The following GOLGA3 variants were observed in gnomAD, a reference collection of about 807,000 sequenced individuals.
The protein encoded by GOLGA3 is golgin subfamily A member 3.
Under a neutral mutation model 169.4 loss-of-function variants are expected in GOLGA3, and 75 were observed. The ratio of observed to expected loss-of-function variants is 0.44; its 90% CI spans 0.37 to 0.54. The LOEUF (loss-of-function observed/expected upper bound fraction) is 0.54. Ranked by LOEUF, GOLGA3 falls within the 20% of genes least tolerant of loss-of-function variation. The pLI is 0.00. For synonymous variants in GOLGA3, 824 were observed against 822.4 expected, an observed-to-expected ratio of 1.00 and a Z score of -0.03; for missense variants, 1,899 against 1,930.0, an observed-to-expected ratio of 0.98 and a Z score of 0.30.
At chr12:132,823,392 T>C (rs1351711456) in intron 1 of GOLGA3, among the ~76,000 whole-genome samples, 1 of 152,260 alleles carries the variant, frequency 6.6e-6, no homozygotes, top group Admixed American at 6.5e-5. Flanking sequence ...ATCAGTTTCA[T>C]ATTAACCTAC....
chr12:132,784,101 G>A (rs772257268), intron 16 of GOLGA3, 63 bp downstream of exon 16: 22 of 1,597,896 alleles, frequency 1.4e-5, no homozygotes, highest in African/African-American at 9.4e-5. Flanking sequence ...CACGCGTGGC[G>A]GCATGTCCAG....
chr12:132,775,927 C>G (rs934183111), intron 21 of GOLGA3, among the ~76,000 whole-genome samples: 1 of 152,266 alleles, frequency 6.6e-6, no homozygotes, highest in African/African-American at 2.4e-5. Context: ...TCCATGAAAT[C>G]ACGTTCTTGG....
In GOLGA3 at chr12:132,773,042, C is replaced by A; in HGVS notation, c.*63G>T. The A allele has an allele frequency of 8.4e-7, 1 of 1,185,292 alleles. No homozygotes were observed. The highest frequency in any genetic ancestry group is 1.6e-5 in the South Asian group (1 of 63,712). 73.4% of individuals were successfully genotyped at this position (1,185,292 alleles called of 1,614,324 possible). The stretch of plus-strand genomic sequence containing the variant: ...CTTAGAAAAACATCGACCACACAAT[C>A]AAATAAATAACATTGATAAGAGCCT... On this transcript the variant is annotated 3_prime_UTR_variant, in exon 24 of 24. Coordinates refer to ENST00000450791, the MANE Select transcript of GOLGA3 (RefSeq NM_001389683.1).
chr12:132,782,591 C>T (rs1445873019), intron 16 of GOLGA3, 98 bp from the exon 17 acceptor site: 2 of 979,044 alleles, frequency 2.0e-6, no homozygotes, highest in African/African-American at 3.2e-5. Flanking sequence ...ACAGCGAAAA[C>T]TTAGGCCAGG....
chr12:132,822,607 C>A (rs1433318218), intron 1 of GOLGA3, among the ~76,000 whole-genome samples: 3 of 152,198 alleles, frequency 2.0e-5, no homozygotes, highest in African/African-American at 7.2e-5. Flanking sequence ...CACAGGGCAA[C>A]TGAGCTTTAA....
intron 18 of GOLGA3, 102 bp downstream of exon 18, chr12:132,780,696 T>C: frequency 2.6e-6 from 2 of 763,698 alleles, no homozygotes; most frequent in Non-Finnish European, 2.3e-6. Context: ...CTTTGCTCTG[T>C]GTAACTGCTG....
chr12:132,781,606 C>T (rs993919672), intron 17 of GOLGA3, among the ~76,000 whole-genome samples: 9 of 152,090 alleles, frequency 5.9e-5, no homozygotes, highest in South Asian at 2.1e-4. Flanking sequence ...TCAAAAACTA[C>T]ATACAAATCA....
chr12:132,796,403 T>A, intron 10 of GOLGA3, 136 bp downstream of exon 10: 1 of 1,190,834 alleles, frequency 8.4e-7, no homozygotes, highest in African/African-American at 1.5e-5. Context: ...AGCAGCAGCG[T>A]CTGACCGACA....
intron 3 of GOLGA3, among the ~76,000 whole-genome samples, chr12:132,816,224 C>A (rs540275937): frequency 2.6e-5 from 4 of 152,248 alleles, no homozygotes; most frequent in Admixed American, 2.0e-4. Context: ...CCAAAAAAAA[C>A]CAAAACAACA....
At chr12:132,788,319 C>T (rs1351276919) in intron 13 of GOLGA3, among the ~76,000 whole-genome samples, 2 of 152,204 alleles carry the variant, frequency 1.3e-5, no homozygotes, top group African/African-American at 4.8e-5. Flanking sequence ...ATAAGCAAAA[C>T]GTAGCACTTG....
intron 13 of GOLGA3, among the ~76,000 whole-genome samples, 169 bp from the exon 14 acceptor site, chr12:132,786,956 C>CTT (rs1273463471): frequency 4.8e-5 from 7 of 145,296 alleles, no homozygotes; most frequent in African/African-American, 1.8e-4. Flanking sequence ...ACAAACCACT[C>CTT]TTTTTTTTTT....
chr12:132,799,084 C>A (rs902470313), intron 8 of GOLGA3, among the ~76,000 whole-genome samples: 1 of 152,218 alleles, frequency 6.6e-6, no homozygotes, highest in Non-Finnish European at 1.5e-5. Flanking sequence ...GCTAGACCTG[C>A]CCGCATCGCC....
intron 16 of GOLGA3, among the ~76,000 whole-genome samples, chr12:132,783,205 A>AC (rs2045701978): frequency 3.5e-5 from 3 of 86,032 alleles, no homozygotes; most frequent in Middle Eastern, 8.9e-3. Context: ...AACAAAAACA[A>AC]AGAACAATGG....
Position 132,801,869 on chromosome 12 carries a change from C to G in GOLGA3, c.1698G>C (p.Ala566=), listed in dbSNP as rs771623317. The change falls in exon 8 of 24, where the codon GCG becomes GCC. Residue 566 remains alanine (A), a synonymous_variant. Coordinates refer to ENST00000450791, the MANE Select transcript of GOLGA3 (RefSeq NM_001389683.1). ...TLTSKLKASQ[A]EISSLQSVRQ... ...GGACACTCTGCAGGGACGAGATCTC[C>G]GCCTGCGACGCCTTCAGCTTGCTGG... 7 of 1,604,868 alleles carry G rather than the reference C, an allele frequency of 4.4e-6. No homozygotes were observed. Among genetic ancestry groups the G allele is most frequent in the East Asian group, 2.2e-5 (1 of 44,880 alleles).
rs747094767 is a variant in GOLGA3, at chr12:132,796,575, C to T, written c.2064G>A (p.Ala688=). The change falls in exon 10 of 24, where the codon GCG becomes GCA. Residue 688 remains alanine (A), a synonymous_variant. Transcript: ENST00000450791. ...EGERERLQRM[A]DSAASLEQQL... is the part of the protein sequence containing the mutation. ...GCTGCTCCAGGGATGCCGCCGAGTCCGCCATCCTCTGCAGCCGCTCCCTCT... is the reference window on the plus strand; with the variant it reads ...GCTGCTCCAGGGATGCCGCCGAGTCTGCCATCCTCTGCAGCCGCTCCCTCT... 1.7e-5 allele frequency: 28 copies of T among 1,613,174 alleles called. No homozygotes were observed. Among genetic ancestry groups the T allele is most frequent in the African/African-American group, 5.3e-5 (4 of 74,930 alleles).
intron 1 of GOLGA3, among the ~76,000 whole-genome samples, chr12:132,823,810 T>C (rs1167225731): frequency 7.0e-6 from 1 of 143,168 alleles, no homozygotes; most frequent in Non-Finnish European, 1.5e-5. Context: ...GGGCTGCGTG[T>C]GATGGCTCAT....
Position 132,782,531 on chromosome 12 carries a change from T to A in GOLGA3, c.3268-38A>T, listed in dbSNP as rs777191211. The A allele has an allele frequency of 1.6e-5, 24 of 1,496,738 alleles. 1 individual carries two copies. The South Asian group carries it at 2.6e-4, about 16-fold the overall frequency. 92.7% of individuals were successfully genotyped at this position (1,496,738 alleles called of 1,614,324 possible). A position where few individuals can be genotyped will look rare whatever the true frequency, so the allele number is the denominator to read the frequency against. On this transcript the variant is annotated intron_variant, in intron 16 of 23. Coordinates refer to ENST00000450791, the MANE Select transcript of GOLGA3 (RefSeq NM_001389683.1). ...AATGTCACTGTAAAATTACCTGCAC[T>A]GGTGAGTGGAGTTCACATACCCCAG...
intron 22 of GOLGA3, 54 bp downstream of exon 22, chr12:132,775,087 G>C: frequency 6.6e-7 from 1 of 1,521,470 alleles, no homozygotes. Context: ...CCTCCTGTCC[G>C]AGAGCATCTA....
chr12:132,786,943 C>T (rs1168793308), intron 13 of GOLGA3, among the ~76,000 whole-genome samples, 156 bp from the exon 14 acceptor site: 1 of 151,566 alleles, frequency 6.6e-6, no homozygotes, highest in Non-Finnish European at 1.5e-5. Flanking sequence ...CGTCTGCCTT[C>T]TTACAAACCA....
Sources: allele counts gnomAD v4.1 joint callset (sites outside exome capture counted in the v4.1 genomes callset), GRCh38; gene constraint gnomAD v4.1.1; transcripts MANE v1.5; gene names NCBI Gene and HGNC (gene_info 2026-07-23, HGNC 2026-07-21).